The following DYNC2H1 variants were observed in gnomAD, a reference collection of about 807,000 sequenced individuals.
DYNC2H1 encodes cytoplasmic dynein 2 heavy chain 1.
Under a neutral mutation model 570.0 loss-of-function variants are expected in DYNC2H1, and 410 were observed. That is an observed-to-expected ratio of 0.72 (90% CI 0.66 to 0.78). The LOEUF (loss-of-function observed/expected upper bound fraction) is 0.78, where lower values mean the gene tolerates loss of function less well. Among genes scored for constraint, DYNC2H1 ranks in the 30% least tolerant of loss-of-function variants. The probability of loss-of-function intolerance (pLI) is 0.00; values close to 1 mark genes in which losing one functional copy is unlikely to be tolerated. For synonymous variants in DYNC2H1, 1,688 were observed against 1,677.6 expected, an observed-to-expected ratio of 1.01 and a Z score of -0.15; for missense variants, 4,865 against 5,046.4, an observed-to-expected ratio of 0.96 and a Z score of 1.09.
At chr11:103,381,545 G>A (rs2566942) in intron 83 of DYNC2H1, among the ~76,000 whole-genome samples, 99,759 of 152,040 alleles carry the variant, frequency 0.66, 33,047 homozygotes, top group Admixed American at 0.72. Flanking sequence ...CACCTCCCGC[G>A]TTCAAGCAAT....
rs1294244394 is a variant in DYNC2H1, at chr11:103,319,422, T to G, written c.11726-1607T>G. On this transcript the variant is annotated intron_variant, in intron 80 of 88. Transcript: ENST00000375735. The surrounding 1 kb of genome is among the most constrained non-coding windows in gnomAD (Gnocchi z 4.3). The stretch of plus-strand genomic sequence containing the variant: ...GCGACCTAGAGCAAGTTTCCTAATC[T>G]TTAAGCCTGAGTTTCCTGATCTTTA... Among the ~76,000 whole-genome samples the G allele has an allele frequency of 6.6e-6, 1 of 152,138 alleles. No individual in the cohort carries two copies. Among genetic ancestry groups the G allele is most frequent in the African/African-American group, 2.4e-5 (1 of 41,450 alleles).
intron 84 of DYNC2H1, among the ~76,000 whole-genome samples, chr11:103,409,964 C>T (rs1311307316): frequency 6.6e-6 from 1 of 152,008 alleles, no homozygotes; most frequent in Non-Finnish European, 1.5e-5. Context: ...ATCGCCTATA[C>T]CTTTATATAA....
intron 29 of DYNC2H1, among the ~76,000 whole-genome samples, chr11:103,161,584 G>A (rs770354481): frequency 6.6e-6 from 1 of 152,036 alleles, no homozygotes; most frequent in Admixed American, 6.6e-5. Flanking sequence ...TTGGATTTTC[G>A]GATTAGGGAT....
At chr11:103,248,603 T>C (rs1328980179) in intron 65 of DYNC2H1, among the ~76,000 whole-genome samples, 1 of 152,074 alleles carries the variant, frequency 6.6e-6, no homozygotes, top group Admixed American at 6.6e-5. Flanking sequence ...TGAATGGTCA[T>C]AGTAAACCTT....
Position 103,363,901 on chromosome 11 carries a change from A to C in DYNC2H1, c.12156+5542A>C, listed in dbSNP as rs1282387553. On this transcript the variant is annotated intron_variant, in intron 83 of 88. Coordinates refer to ENST00000375735, the MANE Select transcript of DYNC2H1 (RefSeq NM_001377.3). This position sits in a 1 kb window ranked among gnomAD's most constrained non-coding sequence, Gnocchi z 5.6. ...TTTATTTTCATGGAGCCAAGGACTC[A>C]CAAAAACTCATGACAGATAGCATTA... 6.6e-6 allele frequency among the ~76,000 whole-genome samples: 1 copy of C among 152,204 alleles called. No homozygotes were observed. The highest frequency in any genetic ancestry group is 1.5e-5 in the Non-Finnish European group (1 of 68,016).
intron 84 of DYNC2H1, among the ~76,000 whole-genome samples, chr11:103,426,797 C>T (rs887698917): frequency 7.9e-5 from 12 of 152,106 alleles, no homozygotes; most frequent in Admixed American, 4.6e-4. Flanking sequence ...CGCGTTAATG[C>T]GCAGAAATTA....
Position 103,114,149 on chromosome 11 carries a change from T to C in DYNC2H1, c.413T>C (p.Leu138Ser). Residue 138 changes from leucine to serine, a missense_variant, in exon 3 of 89, where the codon TTG becomes TCG. By Grantham distance (145) the Leu-to-Ser change is moderately radical. This residue lies in a region of DYNC2H1 where 1,936 missense variants were observed against 1,962.1 expected (regional missense o/e 0.99). Coordinates refer to ENST00000375735, the MANE Select transcript of DYNC2H1 (RefSeq NM_001377.3). ...RNFDPKLQNL[L>S]SELEAGLGIV... Reference sequence around the variant, plus strand: ...TTTGATCCCAAACTTCAGAATCTTTTGAGTGAACTAGAAGCTGGGTTGGGT... The same window carrying C: ...TTTGATCCCAAACTTCAGAATCTTTCGAGTGAACTAGAAGCTGGGTTGGGT... The C allele has an allele frequency of 6.2e-7, 1 of 1,609,632 alleles. No homozygotes were observed. Among genetic ancestry groups the C allele is most frequent in the Non-Finnish European group, 8.5e-7 (1 of 1,177,722 alleles).
In DYNC2H1 at chr11:103,201,465, G is replaced by A. The variant is rs574773427; in HGVS notation, c.8197+1311G>A. Reference sequence around the variant, plus strand: ...TCCTCAGCATTTCTCACCCCTAATTGCACGTTAGAATCACTAGGATAATTA... The same window carrying A: ...TCCTCAGCATTTCTCACCCCTAATTACACGTTAGAATCACTAGGATAATTA... On this transcript the variant is annotated intron_variant, in intron 50 of 88. Transcript: ENST00000375735. This position sits in a 1 kb window ranked among gnomAD's most constrained non-coding sequence, Gnocchi z 4.8. Among the ~76,000 whole-genome samples the A allele has an allele frequency of 1.3e-5, 2 of 152,138 alleles. No individual in the cohort carries two copies. Among genetic ancestry groups the A allele is most frequent in the African/African-American group, 4.8e-5 (2 of 41,514 alleles).
intron 82 of DYNC2H1, among the ~76,000 whole-genome samples, chr11:103,338,125 G>A (rs564987026): frequency 3.3e-5 from 5 of 152,134 alleles, no homozygotes; most frequent in East Asian, 1.9e-4. Flanking sequence ...ATTTGTAGAC[G>A]ACACTGTTCT....
At chr11:103,429,940 T>G (rs1051049619) in intron 84 of DYNC2H1, among the ~76,000 whole-genome samples, 1 of 152,166 alleles carries the variant, frequency 6.6e-6, no homozygotes, top group Non-Finnish European at 1.5e-5. Flanking sequence ...GTCTCCCTGT[T>G]TCAGGCACTG....
Position 103,305,449 on chromosome 11 carries a change from T to G in DYNC2H1, c.11382+729T>G, listed in dbSNP as rs1002661580. ...GCAGGGAAGCGTGGGGAAATTGAAT[T>G]AGATGACTAGGAAAGAGCTAGGTTA... On this transcript the variant is annotated intron_variant, in intron 77 of 88. Coordinates refer to ENST00000375735, the MANE Select transcript of DYNC2H1 (RefSeq NM_001377.3). This position sits in a 1 kb window ranked among gnomAD's most constrained non-coding sequence, Gnocchi z 4.3. Among the ~76,000 whole-genome samples, 2 of 152,130 alleles carry G rather than the reference T, an allele frequency of 1.3e-5. No individual in the cohort carries two copies. The highest frequency in any genetic ancestry group is 2.1e-4 in the South Asian group (1 of 4,830).
At position 103,463,402 on chromosome 11, in the gene DYNC2H1, C is replaced by T. The variant is rs187057496; in HGVS notation, c.12649-5187C>T. ...GACTATAACCAGGCTTGTTGCTGGT[C>T]GAATCCAGTTCTGAGGTTAGGCTCT... is the stretch of plus-strand genomic sequence containing the variant. On this transcript the variant is annotated intron_variant, in intron 87 of 88. Transcript: ENST00000375735. 9.2e-5 allele frequency among the ~76,000 whole-genome samples: 14 copies of T among 152,190 alleles called. No individual in the cohort carries two copies. The East Asian group carries it at 2.7e-3, about 29-fold the overall frequency.
intron 82 of DYNC2H1, among the ~76,000 whole-genome samples, chr11:103,339,169 C>T (rs1591600018): frequency 1.3e-5 from 2 of 152,226 alleles, no homozygotes; most frequent in African/African-American, 4.8e-5. Flanking sequence ...CACTCTTTCC[C>T]CCAAGTGGAA....
intron 3 of DYNC2H1, among the ~76,000 whole-genome samples, chr11:103,114,655 C>A (rs1858286837): frequency 6.6e-6 from 1 of 152,096 alleles, no homozygotes; most frequent in Admixed American, 6.5e-5. Context: ...AATATTGAAC[C>A]TTTGTTCCTA....
chr11:103,404,682 C>T (rs1215938730), intron 84 of DYNC2H1: 1 of 151,480 alleles, frequency 6.6e-6, no homozygotes, highest in Non-Finnish European at 1.5e-5. Flanking sequence ...AGCACCCTAT[C>T]ATGGCAAATA....
chr11:103,437,205 T>C (rs650634), intron 85 of DYNC2H1, among the ~76,000 whole-genome samples: 86,749 of 151,902 alleles, frequency 0.57, 25,244 homozygotes, highest in East Asian at 0.72. Flanking sequence ...TGAAAATTCC[T>C]GTCCTTCTCT....
rs1482142862 is a variant in DYNC2H1, at chr11:103,461,195, TC to T, written c.12648+4841del. Among the ~76,000 whole-genome samples the T allele has an allele frequency of 2.0e-5, 3 of 152,216 alleles. No homozygotes were observed. Among genetic ancestry groups the T allele is most frequent in the African/African-American group, 7.2e-5 (3 of 41,460 alleles). On this transcript the variant is annotated intron_variant, in intron 87 of 88. Coordinates refer to ENST00000375735, the MANE Select transcript of DYNC2H1 (RefSeq NM_001377.3). This position sits in a 1 kb window ranked among gnomAD's most constrained non-coding sequence, Gnocchi z 4.8. ...TTGGCAAAATTAGTAAGTTCATTTG[TC>T]CATTTAGGCTCCTTTTAATTATGTT...
rs1938168972 is a variant in DYNC2H1 at position 103,321,189 on chromosome 11, A to G, written c.11886A>G (p.Lys3962=). The G allele has an allele frequency of 1.2e-6, 2 of 1,611,782 alleles. No individual in the cohort carries two copies. Among genetic ancestry groups the G allele is most frequent in the Non-Finnish European group, 1.7e-6 (2 of 1,178,744 alleles). ...VIDVFNQRNK[K]SIFPYSVSLP... is the part of the protein sequence containing the mutation. Reference sequence around the variant, plus strand: ...ATGTATTCAACCAAAGGAACAAGAAAAGCATTTTTCCATATTCCGTATCTC... The same window carrying G: ...ATGTATTCAACCAAAGGAACAAGAAGAGCATTTTTCCATATTCCGTATCTC... The change falls in exon 81 of 89, where the codon AAA becomes AAG. Residue 3962 remains lysine (K), a synonymous_variant. Coordinates refer to ENST00000375735, the MANE Select transcript of DYNC2H1 (RefSeq NM_001377.3).
chr11:103,125,303 A>G lies in DYNC2H1; in HGVS notation c.1857+8A>G, dbSNP rs751414927. 8 of 1,581,114 alleles carry G rather than the reference A, an allele frequency of 5.1e-6. No homozygotes were observed. The highest frequency in any genetic ancestry group is 4.3e-6 in the Non-Finnish European group (5 of 1,161,690). ...GCAATTATTCTTAAACAAGTATGAA[A>G]TTACATTTTTTGAATACCTGCCTAT... is the stretch of plus-strand genomic sequence containing the variant. On this transcript the variant is annotated splice_region_variant and intron_variant, in intron 12 of 88. Coordinates refer to ENST00000375735, the MANE Select transcript of DYNC2H1 (RefSeq NM_001377.3).
Sources: allele counts gnomAD v4.1 joint callset (sites outside exome capture counted in the v4.1 genomes callset), GRCh38; gene constraint gnomAD v4.1.1; regional missense constraint gnomAD v4.1.1; non-coding constraint Gnocchi (gnomAD v3.1); transcripts MANE v1.5; gene names NCBI Gene and HGNC (gene_info 2026-07-23, HGNC 2026-07-21).